CSNK1A1: variants seen among roughly 807,000 people sequenced by gnomAD.
CSNK1A1 encodes casein kinase 1 alpha 1, also known as casein kinase I isoform alpha.
A neutral mutation model predicts 46.1 loss-of-function variants in CSNK1A1; 7 were observed. The ratio of observed to expected loss-of-function variants is 0.15; its 90% CI spans 0.09 to 0.29. The LOEUF is 0.29. Ranked by LOEUF, CSNK1A1 falls within the 10% of genes least tolerant of loss-of-function variation. The pLI, the probability that CSNK1A1 is intolerant of heterozygous loss-of-function variation, is 1.00. For missense variants in CSNK1A1, 96 were observed against 417.1 expected (o/e 0.23, Z 6.71); for synonymous variants, 137 against 141.5 (o/e 0.97, Z 0.23).
At chr5:149,502,736 T>G in intron 9 of CSNK1A1, 1 of 984,964 alleles carries the variant, frequency 1.0e-6, no homozygotes, top group Non-Finnish European at 1.2e-6. Flanking sequence ...CGATTTATTA[T>G]TGGGATCAAT....
At chr5:149,507,164 AAAC>A in intron 7 of CSNK1A1, 31 bp from the exon 8 acceptor site, 3 of 1,488,270 alleles carry the variant, frequency 2.0e-6, no homozygotes, top group Non-Finnish European at 2.8e-6. Context: ...ACAAAGTTAA[AAAC>A]AAACATTTCA....
At chr5:149,520,603 A>G (rs1017626735) in intron 3 of CSNK1A1, among the ~76,000 whole-genome samples, 2 of 152,196 alleles carry the variant, frequency 1.3e-5, no homozygotes, top group African/African-American at 4.8e-5. Flanking sequence ...TTCTAGTATT[A>G]ATAATTAAAA....
In CSNK1A1 at chr5:149,550,825, C is replaced by T; in HGVS notation, c.123+17G>A. 6.2e-7 allele frequency: 1 copy of T among 1,613,778 alleles called. No homozygotes were observed. Among genetic ancestry groups the T allele is most frequent in the Non-Finnish European group, 8.5e-7 (1 of 1,179,836 alleles). On this transcript the variant is annotated intron_variant, in intron 1 of 9. Transcript: ENST00000377843. This position sits in a 1 kb window ranked among gnomAD's most constrained non-coding sequence, Gnocchi z 4.3. ...TAAAAGCGCAGCGTTATCGTGAACC[C>T]CACCCCAGATGATTACCTCGCCGTT... is the stretch of plus-strand genomic sequence containing the variant.
intron 2 of CSNK1A1, among the ~76,000 whole-genome samples, chr5:149,535,118 A>C (rs1228946617): frequency 2.0e-5 from 3 of 152,194 alleles, no homozygotes; most frequent in Admixed American, 6.6e-5. Flanking sequence ...AAACGCTTTA[A>C]GTCTCATTTC....
intron 9 of CSNK1A1, chr5:149,498,574 CT>C (rs1371207257): frequency 1.0e-6 from 1 of 984,420 alleles, no homozygotes; most frequent in East Asian, 1.1e-4. Context: ...GGTTAAGAAA[CT>C]AAGGATTAAA....
At chr5:149,527,993 G>A (rs1312908057) in intron 2 of CSNK1A1, among the ~76,000 whole-genome samples, 1 of 152,134 alleles carries the variant, frequency 6.6e-6, no homozygotes, top group Non-Finnish European at 1.5e-5. Flanking sequence ...AACCTGAAAT[G>A]TAAAAGGCAC....
rs777701871 is a variant in CSNK1A1 at position 149,550,980 on chromosome 5, T to C, written c.-16A>G. On this transcript the variant is annotated 5_prime_UTR_variant, in exon 1 of 10. Transcript: ENST00000377843. The surrounding 1 kb of genome is among the most constrained non-coding windows in gnomAD (Gnocchi z 4.3). Reference sequence around the variant, plus strand: ...TACTCGCCATCCTGAGAGACGAAGATGGAGGCTGGGGCCAAGCCCCGACAC... The same window carrying C: ...TACTCGCCATCCTGAGAGACGAAGACGGAGGCTGGGGCCAAGCCCCGACAC... The C allele has an allele frequency of 1.9e-6, 3 of 1,613,698 alleles. No homozygotes were observed. In the East Asian group the frequency reaches 6.7e-5, roughly 36 times the overall value.
At chr5:149,497,181 C>T in intron 9 of CSNK1A1, 1 of 1,064,140 alleles carries the variant, frequency 9.4e-7, no homozygotes, top group Non-Finnish European at 1.1e-6. Flanking sequence ...ATTAGGCATT[C>T]ACATATTTAT....
chr5:149,537,417 A>G (rs1762092381), intron 2 of CSNK1A1, among the ~76,000 whole-genome samples: 1 of 151,990 alleles, frequency 6.6e-6, no homozygotes, highest in South Asian at 2.1e-4. Context: ...ACAATGATAA[A>G]ATGCCAACAA....
chr5:149,518,122 G>A (rs556196525), intron 4 of CSNK1A1, among the ~76,000 whole-genome samples: 44 of 152,122 alleles, frequency 2.9e-4, no homozygotes, highest in Non-Finnish European at 3.2e-4. Context: ...CTGAAACAGG[G>A]ATAGCAATGG....
At chr5:149,539,655 A>C (rs544158244) in intron 2 of CSNK1A1, among the ~76,000 whole-genome samples, 34 of 152,286 alleles carry the variant, frequency 2.2e-4, no homozygotes, top group Middle Eastern at 3.4e-3. Flanking sequence ...GCTTTTAAAA[A>C]TCATGATACC....
intron 2 of CSNK1A1, among the ~76,000 whole-genome samples, chr5:149,549,020 C>G (rs1264109187): frequency 6.6e-6 from 1 of 152,144 alleles, no homozygotes; most frequent in Non-Finnish European, 1.5e-5. Flanking sequence ...CATTAAAACC[C>G]TCCAAAGTAA....
intron 4 of CSNK1A1, among the ~76,000 whole-genome samples, chr5:149,516,730 C>T (rs776064754): frequency 1.3e-5 from 2 of 152,160 alleles, no homozygotes; most frequent in Non-Finnish European, 2.9e-5. Flanking sequence ...TTCCCCCCAC[C>T]CCTTATCTAA....
rs781604015 is a variant in CSNK1A1 at position 149,494,008 on chromosome 5, C to T, written c.*2845G>A. 6.6e-6 allele frequency: 1 copy of T among 152,226 alleles called. No homozygotes were observed. The highest frequency in any genetic ancestry group is 2.4e-5 in the African/African-American group (1 of 41,454). The allele number at this position is 152,226 out of a possible 1,614,324, so 9.4% of individuals were successfully genotyped here. A position where few individuals can be genotyped will look rare whatever the true frequency, so the allele number is the denominator to read the frequency against. On this transcript the variant is annotated 3_prime_UTR_variant, in exon 10 of 10. Transcript: ENST00000377843. ...GCTAAAAATGTCTAGGCCATCCCTT[C>T]TTAGAATTCCCATGACTCATTCTAG...
intron 2 of CSNK1A1, 87 bp downstream of exon 2, chr5:149,549,988 G>C: frequency 6.8e-7 from 1 of 1,476,786 alleles, no homozygotes; most frequent in Non-Finnish European, 9.1e-7. Context: ...CCAAGACCCG[G>C]ATTCAGCTGG....
intron 6 of CSNK1A1, 115 bp from the exon 7 acceptor site, chr5:149,510,068 C>A (rs1038294222): frequency 7.4e-6 from 5 of 672,102 alleles, no homozygotes; most frequent in Admixed American, 3.2e-5. Context: ...GAAATTTTAA[C>A]CCAGAATTTA....
rs73263994 is a variant in CSNK1A1 at position 149,532,909 on chromosome 5, A to G, written c.231-7738T>C. Among the ~76,000 whole-genome samples the G allele has an allele frequency of 9.2e-3, 1,397 of 152,320 alleles. 23 individuals are homozygous for G. The highest frequency in any genetic ancestry group is 0.031 in the African/African-American group (1,309 of 41,564). On this transcript the variant is annotated intron_variant, in intron 2 of 9. Transcript: ENST00000377843. ...GGTTAAGAGCCCCTGTTCCAAACCA[A>G]CTTTTGAGATAAATAGCCTGTAGAA...
intron 2 of CSNK1A1, among the ~76,000 whole-genome samples, chr5:149,532,910 CTT>C (rs1300054710): frequency 1.3e-5 from 2 of 152,264 alleles, no homozygotes; most frequent in South Asian, 2.1e-4. Context: ...TCCAAACCAA[CTT>C]TTGAGATAAA....
chr5:149,501,770 A>G, intron 9 of CSNK1A1: 1 of 984,518 alleles, frequency 1.0e-6, no homozygotes, highest in Non-Finnish European at 1.2e-6. Flanking sequence ...GAACTTCATT[A>G]GATTTTGAAT....
Sources: allele counts gnomAD v4.1 joint callset (sites outside exome capture counted in the v4.1 genomes callset), GRCh38; gene constraint gnomAD v4.1.1; non-coding constraint Gnocchi (gnomAD v3.1); transcripts MANE v1.5; gene names NCBI Gene and HGNC (gene_info 2026-07-23, HGNC 2026-07-21).